The following BICDL1 variants were observed in gnomAD, a reference collection of about 807,000 sequenced individuals.
BICDL1 encodes the protein BICD family like cargo adaptor 1.
In BICDL1, 20 loss-of-function variants were observed where a neutral mutation model predicts 76.8. The ratio of observed to expected loss-of-function variants is 0.26; its 90% CI spans 0.18 to 0.38. BICDL1 has a LOEUF of 0.38. Among genes scored for constraint, BICDL1 ranks in the 10% least tolerant of loss-of-function variants. The pLI is 1.00. For synonymous variants in BICDL1, 383 were observed against 337.1 expected, an observed-to-expected ratio of 1.14 and a Z score of -1.49; for missense variants, 700 against 798.6, an observed-to-expected ratio of 0.88 and a Z score of 1.49.
At chr12:120,087,006 T>A (rs752911272) in intron 8 of BICDL1, among the ~76,000 whole-genome samples, 5 of 152,212 alleles carry the variant, frequency 3.3e-5, no homozygotes, top group Non-Finnish European at 5.9e-5. Context: ...TGGGCCCATC[T>A]GTCCCTCGCC....
intron 8 of BICDL1, among the ~76,000 whole-genome samples, chr12:120,085,998 TAAAAAA>T (rs397850497): frequency 1.5e-5 from 2 of 129,344 alleles, no homozygotes; most frequent in African/African-American, 2.8e-5. Flanking sequence ...TTTCTCCCTT[TAAAAAA>T]AAAAAAAAAA....
chr12:119,999,742 A>G (rs957894287), intron 2 of BICDL1: 2 of 438,132 alleles, frequency 4.6e-6, no homozygotes, highest in African/African-American at 4.1e-5. Flanking sequence ...GCCCTGGTCT[A>G]TAAATCCATC....
At chr12:120,074,351 C>G (rs750916977) in intron 6 of BICDL1, 92 bp from the exon 7 acceptor site, 54 of 846,796 alleles carry the variant, frequency 6.4e-5, no homozygotes, top group Non-Finnish European at 7.6e-5. Flanking sequence ...TTTCTCCTCT[C>G]CTTCTCTCCC....
At chr12:120,090,382 G>A (rs1462913007) in intron 9 of BICDL1, among the ~76,000 whole-genome samples, 7 of 152,210 alleles carry the variant, frequency 4.6e-5, no homozygotes, top group Non-Finnish European at 8.8e-5. Context: ...TGGTTAACAT[G>A]GAGGCCCAGG....
chr12:120,012,457 A>T (rs2138671406), intron 2 of BICDL1, among the ~76,000 whole-genome samples: 1 of 152,220 alleles, frequency 6.6e-6, no homozygotes, highest in Middle Eastern at 3.4e-3. Context: ...CCCCCTATAC[A>T]CACCTCTCGT....
chr12:120,043,500 G>T (rs2138818427), intron 2 of BICDL1, among the ~76,000 whole-genome samples: 1 of 152,322 alleles, frequency 6.6e-6, no homozygotes, highest in South Asian at 2.1e-4. Context: ...GCAAAAGCAG[G>T]GTGAGGGTAT....
intron 2 of BICDL1, among the ~76,000 whole-genome samples, chr12:120,010,366 A>C (rs1205770060): frequency 1.3e-5 from 2 of 152,206 alleles, no homozygotes; most frequent in Non-Finnish European, 2.9e-5. Flanking sequence ...GAAAGGTCTA[A>C]TTTTTCTTAA....
chr12:120,040,338 A>T (rs1952613958), intron 2 of BICDL1, among the ~76,000 whole-genome samples: 1 of 151,968 alleles, frequency 6.6e-6, no homozygotes, highest in African/African-American at 2.4e-5. Flanking sequence ...TGATCTGCCC[A>T]TCTTGGCCTC....
Position 120,094,403 on chromosome 12 carries a change from TA to T in BICDL1, c.*1247del. 1 of 368,950 alleles carries T rather than the reference TA, an allele frequency of 2.7e-6. No homozygotes were observed. Among genetic ancestry groups the T allele is most frequent in the South Asian group, 2.0e-5 (1 of 50,986 alleles). 22.9% of individuals were successfully genotyped at this position (368,950 alleles called of 1,614,324 possible). ...GTATGGATTTTATAATATACATATATAAAAATCTATAAAGGCATATTTTTAG... is the reference window on the plus strand; with the variant it reads ...GTATGGATTTTATAATATACATATATAAAATCTATAAAGGCATATTTTTAG... On this transcript the variant is annotated 3_prime_UTR_variant, in exon 10 of 10. Coordinates refer to ENST00000548673, the MANE Select transcript of BICDL1 (RefSeq NM_001367886.1).
chr12:120,030,962 G>T (rs1446901715), intron 2 of BICDL1, among the ~76,000 whole-genome samples: 4 of 152,100 alleles, frequency 2.6e-5, no homozygotes, highest in Non-Finnish European at 5.9e-5. Context: ...TATAGAACAT[G>T]TTTCTAGATA....
At chr12:120,091,312 TCTAAAGGGCGA>T (rs1205290095) in intron 9 of BICDL1, 6 of 1,062,384 alleles carry the variant, frequency 5.6e-6, no homozygotes, top group Non-Finnish European at 6.9e-6. Flanking sequence ...TCTGGGAAAC[TCTAAAGGGCGA>T]CCTGGACAGA....
intron 8 of BICDL1, among the ~76,000 whole-genome samples, chr12:120,084,617 G>A (rs1300991963): frequency 6.6e-6 from 1 of 152,070 alleles, no homozygotes; most frequent in African/African-American, 2.4e-5. Context: ...GGCCAGTTGC[G>A]GTGGCTCACA....
intron 2 of BICDL1, among the ~76,000 whole-genome samples, chr12:120,015,868 A>G (rs1012751693): frequency 6.6e-6 from 1 of 152,192 alleles, no homozygotes; most frequent in Non-Finnish European, 1.5e-5. Context: ...ACCTAATCCA[A>G]TGACCTTCTA....
At chr12:120,089,207 T>C (rs1411760164) in intron 8 of BICDL1, among the ~76,000 whole-genome samples, 1 of 152,250 alleles carries the variant, frequency 6.6e-6, no homozygotes, top group East Asian at 1.9e-4. Context: ...AGCTCCTTTA[T>C]GCTGTGTGAG....
intron 2 of BICDL1, among the ~76,000 whole-genome samples, chr12:120,056,049 G>A (rs190973791): frequency 7.0e-4 from 107 of 152,112 alleles, no homozygotes; most frequent in African/African-American, 2.3e-3. Context: ...ATTAGAATAA[G>A]GTAGATCTAC....
intron 2 of BICDL1, among the ~76,000 whole-genome samples, chr12:120,029,670 A>ATTC (rs1343106391): frequency 3.3e-5 from 5 of 151,994 alleles, no homozygotes. Flanking sequence ...TATTATTATT[A>ATTC]TTATTTTTGA....
At chr12:120,086,180 G>GC (rs1019510133) in intron 8 of BICDL1, among the ~76,000 whole-genome samples, 3 of 152,138 alleles carry the variant, frequency 2.0e-5, no homozygotes, top group African/African-American at 7.2e-5. Flanking sequence ...GAACTCTGGA[G>GC]CAAGGGTCCT....
Position 120,064,717 on chromosome 12 carries a change from C to T in BICDL1, c.763-16C>T, listed in dbSNP as rs1953182492. On this transcript the variant is annotated splice_polypyrimidine_tract_variant and intron_variant, in intron 3 of 9. Transcript: ENST00000548673. ...GTGTAACTCCACACCACCCCTGTGG[C>T]TCTCCACCCTTTCAGATCAAGATGC... is the stretch of plus-strand genomic sequence containing the variant. 3 of 1,597,378 alleles carry T rather than the reference C, an allele frequency of 1.9e-6. No individual in the cohort carries two copies. The highest frequency in any genetic ancestry group is 1.3e-5 in the African/African-American group (1 of 74,484).
chr12:120,048,744 A>G (rs1648094042), intron 2 of BICDL1, among the ~76,000 whole-genome samples: 3 of 152,194 alleles, frequency 2.0e-5, no homozygotes, highest in Admixed American at 1.3e-4. Context: ...AGATGGTACC[A>G]GATCTGCCTT....
Sources: allele counts gnomAD v4.1 joint callset (sites outside exome capture counted in the v4.1 genomes callset), GRCh38; gene constraint gnomAD v4.1.1; transcripts MANE v1.5; gene names NCBI Gene and HGNC (gene_info 2026-07-23, HGNC 2026-07-21).